Variants in NKAIN3 observed in about 807,000 individuals in gnomAD.
NKAIN3 encodes the protein sodium/potassium transporting ATPase interacting 3.
NKAIN3 carries 25 observed loss-of-function variants against 30.2 expected under a neutral mutation model. The ratio of observed to expected loss-of-function variants is 0.83; its 90% CI spans 0.60 to 1.16. NKAIN3 has a LOEUF of 1.16. NKAIN3 is among the 50% of genes most tolerant of loss of function. The pLI is 0.00. For synonymous variants in NKAIN3, 91 were observed against 89.6 expected (o/e 1.02, Z -0.09); for missense variants, 225 against 254.1 (o/e 0.89, Z 0.78).
At chr8:62,891,298 G>A (rs938062980) in intron 4 of NKAIN3, among the ~76,000 whole-genome samples, 1 of 152,180 alleles carries the variant, frequency 6.6e-6, no homozygotes, top group Non-Finnish European at 1.5e-5. Context: ...GATGTTTCCT[G>A]CCTTTGAACA....
chr8:62,922,404 A>G (rs1368336605), intron 5 of NKAIN3, among the ~76,000 whole-genome samples: 7 of 151,554 alleles, frequency 4.6e-5, no homozygotes, highest in Non-Finnish European at 1.0e-4. Context: ...ATGTGGTAGG[A>G]AAAAAAAAGA....
intron 1 of NKAIN3, among the ~76,000 whole-genome samples, chr8:62,485,177 G>C (rs745574695): frequency 7.2e-5 from 11 of 151,818 alleles, no homozygotes; most frequent in Admixed American, 2.6e-4. Flanking sequence ...CTTGCTTTCT[G>C]TCCTCACAGC....
In NKAIN3 at chr8:62,953,982, G is replaced by T. The variant is rs1177438974; in HGVS notation, c.603+10G>T. On this transcript the variant is annotated intron_variant, in intron 6 of 6. Transcript: ENST00000623646. ...AAAGCCTGTTAAACCAGTAAGTAAA[G>T]GTGTGATGATATGGAAAATATTAAT... 1 of 945,492 alleles carries T rather than the reference G, an allele frequency of 1.1e-6. No individual in the cohort carries two copies. Among genetic ancestry groups the T allele is most frequent in the Admixed American group, 6.2e-5 (1 of 16,190 alleles). The allele number at this position is 945,492 out of a possible 1,614,324, so 58.6% of individuals were successfully genotyped here.
In NKAIN3 at chr8:62,971,907, C is replaced by A. The variant is rs1455681446; in HGVS notation, c.*6500C>A. Among the ~76,000 whole-genome samples the A allele has an allele frequency of 6.6e-6, 1 of 152,154 alleles. No homozygotes were observed. Among genetic ancestry groups the A allele is most frequent in the Non-Finnish European group, 1.5e-5 (1 of 68,032 alleles). On this transcript the variant is annotated 3_prime_UTR_variant, in exon 7 of 7. Coordinates refer to ENST00000623646, the MANE Select transcript of NKAIN3 (RefSeq NM_001304533.3). ...TGGTTAGAAAGAAATGAAAATAAAT[C>A]AGTAGCACTACATCCTTCTAGGTTT...
At chr8:62,650,837 T>C (rs1282756009) in intron 3 of NKAIN3, among the ~76,000 whole-genome samples, 2 of 152,140 alleles carry the variant, frequency 1.3e-5, no homozygotes, top group African/African-American at 2.4e-5. Flanking sequence ...TATTTTTAAA[T>C]ATATATAGAA....
chr8:62,991,977 A>C (rs1184635864), intron 5 of NKAIN3, among the ~76,000 whole-genome samples: 1 of 151,800 alleles, frequency 6.6e-6, no homozygotes, highest in East Asian at 1.9e-4. Flanking sequence ...CATACCCAGC[A>C]CTGCTCCCCT....
intron 1 of NKAIN3, among the ~76,000 whole-genome samples, chr8:62,499,836 T>G: frequency 6.6e-6 from 1 of 151,878 alleles, no homozygotes; most frequent in Non-Finnish European, 1.5e-5. Context: ...CTTTCTTTCT[T>G]TCCTTCTTTC....
chr8:62,633,726 C>T (rs1338422266), intron 3 of NKAIN3, among the ~76,000 whole-genome samples: 1 of 152,304 alleles, frequency 6.6e-6, no homozygotes, highest in East Asian at 1.9e-4. Context: ...CCAACTTCAG[C>T]CACCTTATTG....
intron 3 of NKAIN3, among the ~76,000 whole-genome samples, chr8:62,721,919 G>C (rs897227978): frequency 6.6e-6 from 1 of 152,186 alleles, no homozygotes; most frequent in Non-Finnish European, 1.5e-5. Flanking sequence ...CACCTGGCAA[G>C]TGTCCCTGTG....
At chr8:62,449,264 A>G (rs1805571972) in intron 1 of NKAIN3, among the ~76,000 whole-genome samples, 1 of 152,048 alleles carries the variant, frequency 6.6e-6, no homozygotes, top group Non-Finnish European at 1.5e-5. Context: ...TTCTAAGTGA[A>G]TGAAAAGAAG....
intron 3 of NKAIN3, among the ~76,000 whole-genome samples, chr8:62,656,475 CAAAG>C (rs1026705663): frequency 2.9e-4 from 44 of 150,996 alleles, no homozygotes; most frequent in South Asian, 4.2e-4. Context: ...AATAAAAGAA[CAAAG>C]AAAGAAAGAA....
At chr8:62,255,867 A>G (rs1480001274) in intron 1 of NKAIN3, among the ~76,000 whole-genome samples, 1 of 152,184 alleles carries the variant, frequency 6.6e-6, no homozygotes, top group Non-Finnish European at 1.5e-5. Context: ...CAGGCTCACC[A>G]GGATCTATTG....
At chr8:62,857,093 C>A in intron 4 of NKAIN3, 1 of 438,942 alleles carries the variant, frequency 2.3e-6, no homozygotes, top group Non-Finnish European at 4.4e-6. Flanking sequence ...ATGTTGGCTA[C>A]TTCTCACTTT....
Position 62,542,590 on chromosome 8 carries a change from TC to T in NKAIN3, c.55-36947del, listed in dbSNP as rs1225984077. ...TCCACCATAAAAAGACCATTTGAGT[TC>T]CTCTATCCCAAGTCCAACAAGGTAA... On this transcript the variant is annotated intron_variant, in intron 1 of 6. Transcript: ENST00000623646. 2.6e-5 allele frequency among the ~76,000 whole-genome samples: 4 copies of T among 152,146 alleles called. No homozygotes were observed. The East Asian group carries it at 7.7e-4, about 29-fold the overall frequency.
chr8:62,813,270 C>T (rs769909474), intron 4 of NKAIN3, among the ~76,000 whole-genome samples: 18 of 151,918 alleles, frequency 1.2e-4, no homozygotes, highest in Non-Finnish European at 2.1e-4. Flanking sequence ...ATTTTGAACT[C>T]TGTTAATATA....
chr8:62,755,293 G>T (rs1469179048), intron 4 of NKAIN3, among the ~76,000 whole-genome samples: 1 of 152,198 alleles, frequency 6.6e-6, no homozygotes, highest in Admixed American at 6.5e-5. Context: ...GGGTTCGGGG[G>T]TAAACTCTGT....
At chr8:62,369,747 C>T (rs1188972709) in intron 1 of NKAIN3, among the ~76,000 whole-genome samples, 1 of 151,710 alleles carries the variant, frequency 6.6e-6, no homozygotes, top group African/African-American at 2.4e-5. Flanking sequence ...TATTTGAACT[C>T]CCCCCAAGTC....
chr8:62,322,081 C>T (rs9792368), intron 1 of NKAIN3, among the ~76,000 whole-genome samples: 45,343 of 151,988 alleles, frequency 0.3, 7,099 homozygotes, highest in East Asian at 0.46. Context: ...TCTCAGACTG[C>T]GTGCTAGAAA....
intron 4 of NKAIN3, among the ~76,000 whole-genome samples, chr8:62,843,146 G>A (rs933012341): frequency 3.3e-5 from 5 of 151,790 alleles, no homozygotes; most frequent in Non-Finnish European, 5.9e-5. Flanking sequence ...GTCATACAGA[G>A]GAGATAGAAT....
Sources: allele counts gnomAD v4.1 joint callset (sites outside exome capture counted in the v4.1 genomes callset), GRCh38; gene constraint gnomAD v4.1.1; transcripts MANE v1.5; gene names NCBI Gene and HGNC (gene_info 2026-07-23, HGNC 2026-07-21).